The following ABCB7 variants were observed in gnomAD, a reference collection of about 807,000 sequenced individuals.
ABCB7 encodes the protein iron-sulfur clusters transporter ABCB7, mitochondrial.
In ABCB7, 7 loss-of-function variants were observed where a neutral mutation model predicts 54.4. The ratio of observed to expected loss-of-function variants is 0.13; its 90% CI spans 0.07 to 0.24. The LOEUF is 0.24. Ranked by LOEUF, ABCB7 falls within the 10% of genes least tolerant of loss-of-function variation. The pLI is 1.00. For synonymous variants in ABCB7, 218 were observed against 207.1 expected, an observed-to-expected ratio of 1.05 and a Z score of -0.45; for missense variants, 356 against 570.4, an observed-to-expected ratio of 0.62 and a Z score of 3.83.
chrX:75,114,676 T>G (rs1029481250), intron 2 of ABCB7, 78 bp downstream of exon 2: 2 of 826,584 alleles, frequency 2.4e-6, no homozygotes, highest in Non-Finnish European at 3.5e-6. Flanking sequence ...ATGTAAAATA[T>G]GTAGTATAAA....
chrX:75,125,996 G>T (rs1421606544), intron 1 of ABCB7, among the ~76,000 whole-genome samples: 1 of 110,707 alleles, frequency 9.0e-6, no homozygotes. Context: ...ATTCCATGAG[G>T]TGACTAAAAT....
At position 75,104,047 on chromosome X, in the gene ABCB7, G is replaced by GTTTTTTTTGTTTTTTTT. The variant is rs2081664100; in HGVS notation, c.334-4987_334-4986insAAAAAAAACAAAAAAAA. On this transcript the variant is annotated intron_variant, in intron 3 of 15. Coordinates refer to ENST00000373394, the MANE Select transcript of ABCB7 (RefSeq NM_001271696.3). ...AAATGGGCATCCCTGTCTTGTTACA[G>GTTTTTTTTGTTTTTTTT]TTTTTTTTTTTTTTTTTTTTTTTTT... Among the ~76,000 whole-genome samples, 6 of 13,443 alleles carry GTTTTTTTTGTTTTTTTT rather than the reference G, an allele frequency of 4.5e-4. 1 individual carries two copies. Among genetic ancestry groups the GTTTTTTTTGTTTTTTTT allele is most frequent in the Non-Finnish European group, 1.0e-3 (6 of 5,715 alleles). The allele number at this position is 13,443 out of a possible 115,157, so 11.7% of individuals were successfully genotyped here. A position where few individuals can be genotyped will look rare whatever the true frequency, so the allele number is the denominator to read the frequency against.
chrX:75,062,203 C>T, intron 14 of ABCB7, 125 bp downstream of exon 14: 1 of 563,359 alleles, frequency 1.8e-6, no homozygotes, highest in Non-Finnish European at 2.9e-6. Flanking sequence ...GGGGGATAGG[C>T]ATTTTGCTCT....
At chrX:75,113,616 C>T (rs761937670) in intron 2 of ABCB7, among the ~76,000 whole-genome samples, 3 of 111,157 alleles carry the variant, frequency 2.7e-5, no homozygotes, top group South Asian at 7.5e-4. Context: ...ATCTTACACA[C>T]GGGCAAGGTA....
intron 1 of ABCB7, among the ~76,000 whole-genome samples, chrX:75,153,696 C>A (rs2082149829): frequency 9.6e-6 from 1 of 103,846 alleles, no homozygotes; most frequent in Non-Finnish European, 2.0e-5. Flanking sequence ...GAAATACTTA[C>A]AATGAATTCC....
chrX:75,098,874 C>CCAGG (rs1602369340), intron 4 of ABCB7, 68 bp downstream of exon 4: 3 of 1,194,548 alleles, frequency 2.5e-6, no homozygotes, highest in Non-Finnish European at 3.4e-6. Context: ...TACACCAGGC[C>CCAGG]CAGGATTCAT....
intron 14 of ABCB7, among the ~76,000 whole-genome samples, chrX:75,061,008 GA>G (rs1388058867): frequency 9.0e-6 from 1 of 111,546 alleles, no homozygotes; most frequent in East Asian, 2.8e-4. Context: ...GGGGGATGGG[GA>G]TATACCCAAA....
At chrX:75,081,345 CAGGAAATAAATAA>C (rs1388153895) in intron 4 of ABCB7, among the ~76,000 whole-genome samples, 1 of 110,708 alleles carries the variant, frequency 9.0e-6, no homozygotes, top group Non-Finnish European at 1.9e-5. Context: ...ATAGAAGACT[CAGGAAATAAATAA>C]AGGATATAAA....
intron 1 of ABCB7, among the ~76,000 whole-genome samples, chrX:75,128,861 C>G (rs747052951): frequency 1.1e-4 from 12 of 112,044 alleles, no homozygotes; most frequent in Admixed American, 4.7e-4. Context: ...ATCATCACTG[C>G]TCATTAGAGA....
rs757032438 is a variant in ABCB7, at chrX:75,146,439, C to G, written c.168+9666G>C. Among the ~76,000 whole-genome samples, 11 of 111,968 alleles carry G rather than the reference C, an allele frequency of 9.8e-5. 1 individual carries two copies. The highest frequency in any genetic ancestry group is 1.9e-4 in the Admixed American group (2 of 10,564). Reference sequence around the variant, plus strand: ...AAACTATACTACAAGGCTACAGTAACCAAAACCGCATGGTACTGGTACAAA... The same window carrying G: ...AAACTATACTACAAGGCTACAGTAAGCAAAACCGCATGGTACTGGTACAAA... On this transcript the variant is annotated intron_variant, in intron 1 of 15. Coordinates refer to ENST00000373394, the MANE Select transcript of ABCB7 (RefSeq NM_001271696.3).
At chrX:75,120,803 C>T (rs1347819701) in intron 1 of ABCB7, among the ~76,000 whole-genome samples, 2 of 109,828 alleles carry the variant, frequency 1.8e-5, no homozygotes, top group Non-Finnish European at 3.8e-5. Flanking sequence ...TGCAGGGTTC[C>T]TAACCTATGG....
chrX:75,082,544 T>C (rs920119295), intron 4 of ABCB7, among the ~76,000 whole-genome samples: 12 of 112,126 alleles, frequency 1.1e-4, no homozygotes, highest in Admixed American at 7.6e-4. Flanking sequence ...TATAATAACC[T>C]ATTTTTAAGT....
intron 4 of ABCB7, among the ~76,000 whole-genome samples, chrX:75,095,909 C>T (rs1294340441): frequency 9.0e-6 from 1 of 111,704 alleles, no homozygotes; most frequent in East Asian, 2.8e-4. Flanking sequence ...TGTCACTAAG[C>T]AACAGAAATC....
At chrX:75,062,227 T>C in intron 14 of ABCB7, 101 bp downstream of exon 14, 1 of 740,140 alleles carries the variant, frequency 1.4e-6, no homozygotes, top group Non-Finnish European at 2.0e-6. Flanking sequence ...GCACTTACTA[T>C]TGAAGTTTAT....
intron 1 of ABCB7, among the ~76,000 whole-genome samples, chrX:75,144,318 A>G (rs2082076178): frequency 8.9e-6 from 1 of 112,040 alleles, no homozygotes; most frequent in South Asian, 3.7e-4. Flanking sequence ...TATAATAGCT[A>G]CTTAGCCACA....
chrX:75,070,822 G>A (rs939091314), intron 9 of ABCB7, among the ~76,000 whole-genome samples: 4 of 110,778 alleles, frequency 3.6e-5, no homozygotes, highest in Non-Finnish European at 7.6e-5. Context: ...CACTAGCAAT[G>A]GTTTCTTTGT....
chrX:75,120,390 C>T (rs1373102826), intron 1 of ABCB7, among the ~76,000 whole-genome samples: 1 of 110,836 alleles, frequency 9.0e-6, no homozygotes, highest in Non-Finnish European at 1.9e-5. Context: ...GTGGGTGGAT[C>T]ACTTGAGGTC....
Position 75,075,464 on chromosome X carries a change from C to T in ABCB7, c.753G>A (p.Lys251=), listed in dbSNP as rs768217695. 2 of 1,211,291 alleles carry T rather than the reference C, an allele frequency of 1.7e-6. No individual in the cohort carries two copies. The highest frequency in any genetic ancestry group is 2.2e-6 in the Non-Finnish European group (2 of 895,183). ...TACCCCTTGTTCCTCTGTCAATAGCCTTAGATAAAGCTCCCGTCTGTCTGC... is the reference window on the plus strand; with the variant it reads ...TACCCCTTGTTCCTCTGTCAATAGCTTTAGATAAAGCTCCCGTCTGTCTGC... ...HLSRQTGALS[K]AIDRGTRGIS... The change falls in exon 6 of 16, where the codon AAG becomes AAA. Residue 251 remains lysine (K), a synonymous_variant. Coordinates refer to ENST00000373394, the MANE Select transcript of ABCB7 (RefSeq NM_001271696.3).
chrX:75,080,866 A>G (rs1311708830), intron 4 of ABCB7, among the ~76,000 whole-genome samples: 1 of 111,487 alleles, frequency 9.0e-6, no homozygotes, highest in Non-Finnish European at 1.9e-5. Flanking sequence ...AGTTCTTTAT[A>G]TATTCTAAGA....
Sources: gnomAD v4.1 joint callset for allele counts (sites outside exome capture counted in the v4.1 genomes callset) on GRCh38, gnomAD v4.1.1 for gene constraint, MANE v1.5 for transcripts, NCBI Gene and HGNC (gene_info 2026-07-23, HGNC 2026-07-21) for gene names.